The following PCDH7 variants were observed in gnomAD, a reference collection of about 807,000 sequenced individuals.
The protein encoded by PCDH7 is protocadherin-7.
Under a neutral mutation model 58.9 loss-of-function variants are expected in PCDH7, and 17 were observed. That is an observed-to-expected ratio of 0.29 (90% CI 0.20 to 0.43). The LOEUF (loss-of-function observed/expected upper bound fraction) is 0.43, where lower values mean the gene tolerates loss of function less well. Ranked by LOEUF, PCDH7 falls within the 20% of genes least tolerant of loss-of-function variation. The pLI, the probability that PCDH7 is intolerant of heterozygous loss-of-function variation, is 1.00. For synonymous variants in PCDH7, 664 were observed against 616.4 expected, an observed-to-expected ratio of 1.08 and a Z score of -1.14; for missense variants, 1,274 against 1,441.0, an observed-to-expected ratio of 0.88 and a Z score of 1.88.
intron 3 of PCDH7, among the ~76,000 whole-genome samples, chr4:30,981,668 T>C (rs886983374): frequency 6.6e-6 from 1 of 152,228 alleles, no homozygotes; most frequent in East Asian, 1.9e-4. Context: ...TTAGGTATTA[T>C]AATACAGCTT....
chr4:31,124,393 G>A (rs887082226), intron 3 of PCDH7, among the ~76,000 whole-genome samples: 5 of 152,192 alleles, frequency 3.3e-5, no homozygotes, highest in African/African-American at 1.2e-4. Flanking sequence ...ACTCAAAGCA[G>A]ACTTCCTTTG....
chr4:31,079,351 T>TATATATATATAGATAG (rs1759302466), intron 3 of PCDH7, among the ~76,000 whole-genome samples: 1 of 83,504 alleles, frequency 1.2e-5, no homozygotes, highest in Non-Finnish European at 2.3e-5. Flanking sequence ...TATATATATA[T>TATATATATATAGATAG]ATATATATAT....
intron 3 of PCDH7, among the ~76,000 whole-genome samples, chr4:30,978,466 C>A (rs1294640525): frequency 6.6e-6 from 1 of 152,010 alleles, no homozygotes; most frequent in Non-Finnish European, 1.5e-5. Context: ...AGTAAACATG[C>A]TTTTTTTAAT....
intron 2 of PCDH7, among the ~76,000 whole-genome samples, chr4:30,939,713 G>A (rs1456403818): frequency 6.6e-6 from 1 of 152,030 alleles, no homozygotes; most frequent in Admixed American, 6.6e-5. Context: ...GAATATTCCT[G>A]TAATGCCTAG....
chr4:30,869,874 G>T (rs888354221), intron 1 of PCDH7, among the ~76,000 whole-genome samples: 4 of 152,126 alleles, frequency 2.6e-5, no homozygotes, highest in Non-Finnish European at 4.4e-5. Context: ...CTTCCACAAT[G>T]GTTGAACTAA....
intron 1 of PCDH7, among the ~76,000 whole-genome samples, chr4:30,792,219 T>A (rs963015884): frequency 6.6e-6 from 1 of 152,212 alleles, no homozygotes; most frequent in Non-Finnish European, 1.5e-5. Flanking sequence ...TTGAGAATGT[T>A]CAGTTTTGCT....
At chr4:30,776,869 G>T (rs1722137627) in intron 1 of PCDH7, among the ~76,000 whole-genome samples, 1 of 151,502 alleles carries the variant, frequency 6.6e-6, no homozygotes, top group East Asian at 1.9e-4. Flanking sequence ...GTGTGTGTGT[G>T]TGTGTGTGTG....
chr4:30,937,473 G>A (rs1745499605), intron 2 of PCDH7, among the ~76,000 whole-genome samples: 1 of 151,936 alleles, frequency 6.6e-6, no homozygotes, highest in South Asian at 2.1e-4. Context: ...CCTCCCTAGG[G>A]AATATTTATT....
intron 1 of PCDH7, among the ~76,000 whole-genome samples, chr4:30,815,589 G>A (rs1039152240): frequency 2.6e-5 from 4 of 152,172 alleles, no homozygotes; most frequent in Admixed American, 6.5e-5. Context: ...GGACGCATGC[G>A]CGGTGTGTTT....
intron 3 of PCDH7, among the ~76,000 whole-genome samples, chr4:31,020,149 G>C (rs1320213396): frequency 6.6e-6 from 1 of 152,156 alleles, no homozygotes; most frequent in African/African-American, 2.4e-5. Flanking sequence ...TTTTTCATCT[G>C]TGTTTCCATT....
At chr4:31,025,693 T>C (rs996004817) in intron 3 of PCDH7, among the ~76,000 whole-genome samples, 2 of 152,234 alleles carry the variant, frequency 1.3e-5, no homozygotes, top group Admixed American at 6.5e-5. Flanking sequence ...TTTTAAGTGC[T>C]TCTTGTTCTT....
At chr4:31,037,303 G>A (rs1755496278) in intron 3 of PCDH7, among the ~76,000 whole-genome samples, 1 of 152,142 alleles carries the variant, frequency 6.6e-6, no homozygotes, top group Admixed American at 6.6e-5. Context: ...TAAAAATTGT[G>A]AATTAAATTA....
At chr4:30,906,247 G>A (rs1486062515) in intron 1 of PCDH7, among the ~76,000 whole-genome samples, 1 of 151,996 alleles carries the variant, frequency 6.6e-6, no homozygotes, top group African/African-American at 2.4e-5. Flanking sequence ...TACTCTTACG[G>A]TTTCAAAGTC....
Position 31,104,716 on chromosome 4 carries a change from A to G in PCDH7, c.*8-37757A>G, listed in dbSNP as rs571451701. Among the ~76,000 whole-genome samples, 65 of 152,310 alleles carry G rather than the reference A, an allele frequency of 4.3e-4. 1 individual carries two copies. The highest frequency in any genetic ancestry group is 1.6e-3 in the African/African-American group (65 of 41,570). On this transcript the variant is annotated intron_variant, in intron 3 of 3. Coordinates refer to the PCDH7 transcript ENST00000509759. Reference sequence around the variant, plus strand: ...CGTGGTCTACATGTAAACTCTTTACAAACAGCATCTGAATTACAGGCAGAG... The same window carrying G: ...CGTGGTCTACATGTAAACTCTTTACGAACAGCATCTGAATTACAGGCAGAG...
intron 3 of PCDH7, among the ~76,000 whole-genome samples, chr4:31,106,471 G>A (rs1056586623): frequency 1.1e-4 from 17 of 152,188 alleles, no homozygotes; most frequent in Non-Finnish European, 2.5e-4. Context: ...CTTTCTGAGT[G>A]CGATGAAGTG....
At chr4:30,985,150 T>C (rs1170366162) in intron 3 of PCDH7, among the ~76,000 whole-genome samples, 1 of 152,054 alleles carries the variant, frequency 6.6e-6, no homozygotes, top group African/African-American at 2.4e-5. Context: ...AAAGATGGAG[T>C]TTCACCATGT....
At chr4:31,036,684 T>C (rs1032639375) in intron 3 of PCDH7, among the ~76,000 whole-genome samples, 3 of 152,238 alleles carry the variant, frequency 2.0e-5, no homozygotes, top group African/African-American at 7.2e-5. Context: ...ACTGCACTAA[T>C]AGCATACTCT....
chr4:31,139,449 A>G (rs1282444317), intron 3 of PCDH7, among the ~76,000 whole-genome samples: 1 of 152,198 alleles, frequency 6.6e-6, no homozygotes, highest in Non-Finnish European at 1.5e-5. Context: ...GTGAAAGACT[A>G]AGAAGAGTTA....
intron 1 of PCDH7, among the ~76,000 whole-genome samples, chr4:30,915,046 GTCT>G (rs1487115772): frequency 1.3e-5 from 2 of 151,958 alleles, no homozygotes; most frequent in African/African-American, 4.8e-5. Flanking sequence ...TAGCTAGCTT[GTCT>G]TCTTTGCTCT....
Sources: allele counts gnomAD v4.1 joint callset (sites outside exome capture counted in the v4.1 genomes callset), GRCh38; gene constraint gnomAD v4.1.1; transcripts MANE v1.5; gene names NCBI Gene and HGNC (gene_info 2026-07-23, HGNC 2026-07-21).